The following CDYL variants were observed in gnomAD, a reference collection of about 807,000 sequenced individuals.
The protein encoded by CDYL is chromodomain Y-like protein.
In CDYL, 8 loss-of-function variants were observed where a neutral mutation model predicts 47.3. That is an observed-to-expected ratio of 0.17 (90% CI 0.10 to 0.31). The LOEUF (loss-of-function observed/expected upper bound fraction) is 0.31, where lower values mean the gene tolerates loss of function less well. Among genes scored for constraint, CDYL ranks in the 10% least tolerant of loss-of-function variants. The pLI is 1.00. For missense variants in CDYL, 471 were observed against 701.4 expected (o/e 0.67, Z 3.71); for synonymous variants, 266 against 265.0 (o/e 1.00, Z -0.04).
At chr6:4,879,171 A>T (rs1475267765) in intron 1 of CDYL, among the ~76,000 whole-genome samples, 1 of 152,206 alleles carries the variant, frequency 6.6e-6, no homozygotes, top group African/African-American at 2.4e-5. Flanking sequence ...CGACAGTTGG[A>T]TATAACATTT....
At chr6:4,929,493 T>TACAC (rs71540836) in intron 2 of CDYL, among the ~76,000 whole-genome samples, 13,876 of 143,712 alleles carry the variant, frequency 0.097, 845 homozygotes, top group Admixed American at 0.18. Context: ...ATGTTTTACT[T>TACAC]ACACACACAC....
chr6:4,725,274 A>C (rs1757486283), intron 2 of CDYL, among the ~76,000 whole-genome samples: 1 of 152,258 alleles, frequency 6.6e-6, no homozygotes, highest in Admixed American at 6.5e-5. Flanking sequence ...TACACAGTGG[A>C]TCCCGCACCG....
chr6:4,830,807 T>C (rs1306909356), intron 1 of CDYL, among the ~76,000 whole-genome samples: 1 of 134,580 alleles, frequency 7.4e-6, no homozygotes, highest in African/African-American at 2.8e-5. Context: ...CCTGTGTCCA[T>C]GTGTTTTCAT....
At chr6:4,880,007 T>C (rs1761721605) in intron 1 of CDYL, among the ~76,000 whole-genome samples, 1 of 152,226 alleles carries the variant, frequency 6.6e-6, no homozygotes. Flanking sequence ...ACCAGAGTGA[T>C]ACAGCTGTTA....
chr6:4,840,327 G>A (rs966942314), intron 1 of CDYL, among the ~76,000 whole-genome samples: 62 of 152,154 alleles, frequency 4.1e-4, no homozygotes, highest in Admixed American at 1.6e-3. Context: ...GGAGTTTCTT[G>A]GTATATGATC....
At chr6:4,781,110 G>A (rs1270508545) in intron 1 of CDYL, among the ~76,000 whole-genome samples, 1 of 152,166 alleles carries the variant, frequency 6.6e-6, no homozygotes, top group East Asian at 1.9e-4. Flanking sequence ...TTCAAAAATG[G>A]AAGTAAGCTT....
At chr6:4,718,100 G>A (rs1247337548) in intron 2 of CDYL, among the ~76,000 whole-genome samples, 4 of 151,938 alleles carry the variant, frequency 2.6e-5, no homozygotes, top group Non-Finnish European at 4.4e-5. Context: ...GCCTCCCAAA[G>A]TGCTGGGATT....
upstream of CDYL, among the ~76,000 whole-genome samples, chr6:4,772,561 T>C (rs896866511): frequency 3.3e-5 from 5 of 152,170 alleles, no homozygotes; most frequent in Non-Finnish European, 7.4e-5. Flanking sequence ...GCTTCTTTCT[T>C]TTGGGTCTCA....
chr6:4,758,782 C>G (rs1007403709), intron 3 of CDYL, among the ~76,000 whole-genome samples: 1 of 151,924 alleles, frequency 6.6e-6, no homozygotes, highest in Non-Finnish European at 1.5e-5. Context: ...ACATATTTTT[C>G]GATGTATATT....
chr6:4,899,592 C>G (rs1756955147), intron 2 of CDYL, among the ~76,000 whole-genome samples: 1 of 152,190 alleles, frequency 6.6e-6, no homozygotes, highest in African/African-American at 2.4e-5. Flanking sequence ...TTTCATCTCT[C>G]TGGTAATGAA....
At chr6:4,945,016 C>T (rs375936701) in intron 5 of CDYL, among the ~76,000 whole-genome samples, 28 of 152,230 alleles carry the variant, frequency 1.8e-4, no homozygotes, top group South Asian at 1.7e-3. Context: ...CGCAGTGCTC[C>T]ACCAAAGCGC....
intron 3 of CDYL, among the ~76,000 whole-genome samples, chr6:4,749,195 A>G (rs987612400): frequency 6.6e-6 from 1 of 152,254 alleles, no homozygotes; most frequent in African/African-American, 2.4e-5. Context: ...GGACTAAGCA[A>G]TAGGCCTGGG....
At chr6:4,906,885 A>G (rs1757254371) in intron 2 of CDYL, among the ~76,000 whole-genome samples, 1 of 152,212 alleles carries the variant, frequency 6.6e-6, no homozygotes. Flanking sequence ...GTTCTCAGTG[A>G]GTGGTCTAAA....
In CDYL at chr6:4,901,244, AAG is replaced by A. The variant is rs889524205; in HGVS notation, c.691+8866_691+8867del. ...TTGAACTTTAACTGATACAAGGACA[AAG>A]GGGGGGAAATCACATTTTCAGATTA... On this transcript the variant is annotated intron_variant, in intron 2 of 6. Coordinates refer to ENST00000397588, the MANE Select transcript of CDYL (RefSeq NM_004824.4). 8.6e-4 allele frequency among the ~76,000 whole-genome samples: 131 copies of A among 152,250 alleles called. 2 individuals are homozygous for A. Among genetic ancestry groups the A allele is most frequent in the African/African-American group, 2.9e-3 (120 of 41,540 alleles).
At chr6:4,917,673 A>G (rs903279390) in intron 2 of CDYL, among the ~76,000 whole-genome samples, 2 of 152,170 alleles carry the variant, frequency 1.3e-5, no homozygotes, top group African/African-American at 4.8e-5. Flanking sequence ...ATTGATAGAA[A>G]TGGCAGCACT....
At chr6:4,952,042 CT>C in intron 5 of CDYL, among the ~76,000 whole-genome samples, 1 of 152,022 alleles carries the variant, frequency 6.6e-6, no homozygotes, top group South Asian at 2.1e-4. Flanking sequence ...TTTTGCTTTC[CT>C]TTTTAAGAAA....
chr6:4,729,006 C>G (rs6938514), intron 2 of CDYL, among the ~76,000 whole-genome samples: 21,850 of 152,166 alleles, frequency 0.14, 2,094 homozygotes, highest in African/African-American at 0.28. Flanking sequence ...AAGATCTTTC[C>G]TCCCAGGTCC....
chr6:4,747,221 T>C (rs1465775325), intron 3 of CDYL, among the ~76,000 whole-genome samples: 1 of 150,758 alleles, frequency 6.6e-6, no homozygotes, highest in East Asian at 2.0e-4. Flanking sequence ...GCAGGAGAAT[T>C]GCTTGCACCT....
intron 2 of CDYL, among the ~76,000 whole-genome samples, chr6:4,929,525 CAT>C (rs1491208432): frequency 1.5e-3 from 219 of 147,874 alleles, no homozygotes; most frequent in Middle Eastern, 6.8e-3. Context: ...CACACACACA[CAT>C]ACATACACAC....
Sources: allele counts gnomAD v4.1 joint callset (sites outside exome capture counted in the v4.1 genomes callset), GRCh38; gene constraint gnomAD v4.1.1; transcripts MANE v1.5; gene names NCBI Gene and HGNC (gene_info 2026-07-23, HGNC 2026-07-21).